Variants in FARP1 observed in about 807,000 individuals in gnomAD.
The protein encoded by FARP1 is FERM, ARHGEF and pleckstrin domain-containing protein 1.
FARP1 carries 52 observed loss-of-function variants against 128.8 expected under a neutral mutation model. The ratio of observed to expected loss-of-function variants is 0.40; its 90% confidence interval spans 0.32 to 0.51. The LOEUF (loss-of-function observed/expected upper bound fraction) is 0.51, where lower values mean the gene tolerates loss of function less well. Among genes scored for constraint, FARP1 ranks in the 20% least tolerant of loss-of-function variants. The pLI is 0.45. For missense variants in FARP1, 1,333 were observed against 1,367.9 expected (o/e 0.97, Z 0.40); for synonymous variants, 580 against 551.8 (o/e 1.05, Z -0.72).
At chr13:98,379,228 CTA>C (rs1889794796) in intron 6 of FARP1, among the ~76,000 whole-genome samples, 1 of 109,466 alleles carries the variant, frequency 9.1e-6, no homozygotes, top group Non-Finnish European at 1.7e-5. Context: ...TATAATCTAT[CTA>C]TATATAATCT....
intron 19 of FARP1, 148 bp downstream of exon 19, chr13:98,435,854 A>G (rs750728695): frequency 4.9e-6 from 4 of 817,098 alleles, no homozygotes; most frequent in Non-Finnish European, 8.6e-6. Context: ...AAAACACAAC[A>G]GTGTCGTTAG....
At chr13:98,439,644 C>A (rs571469047) in intron 21 of FARP1, among the ~76,000 whole-genome samples, 2 of 152,324 alleles carry the variant, frequency 1.3e-5, no homozygotes, top group South Asian at 4.1e-4. Context: ...TGCCTCCTGT[C>A]CCCCTTGGCA....
chr13:98,401,550 A>T (rs1014830761), intron 13 of FARP1: 3 of 151,898 alleles, frequency 2.0e-5, no homozygotes, highest in African/African-American at 7.3e-5. Context: ...TCCTAGAGTA[A>T]CCTAGAGAGA....
At chr13:98,169,949 C>T (rs1377464700) in intron 1 of FARP1, among the ~76,000 whole-genome samples, 2 of 152,086 alleles carry the variant, frequency 1.3e-5, no homozygotes, top group Non-Finnish European at 2.9e-5. Flanking sequence ...TCTCTACTTT[C>T]CTACCTTTAA....
intron 1 of FARP1, among the ~76,000 whole-genome samples, chr13:98,165,742 T>C (rs1877219259): frequency 1.8e-5 from 2 of 112,754 alleles, no homozygotes; most frequent in Non-Finnish European, 3.6e-5. Context: ...TTTTTTTTTT[T>C]TGTCTCACTC....
At position 98,450,057 on chromosome 13, in the gene FARP1, A is replaced by G. The variant is rs1893114069; in HGVS notation, c.*1740A>G. 6.6e-6 allele frequency: 1 copy of G among 151,944 alleles called. No homozygotes were observed. The highest frequency in any genetic ancestry group is 1.5e-5 in the Non-Finnish European group (1 of 68,008). 9.4% of individuals were successfully genotyped at this position (151,944 alleles called of 1,614,324 possible). ...TTTCTGAATGATTGATTGATTCCAA[A>G]CTACTTGCTGGACACTGGTGGTTCT... On this transcript the variant is annotated 3_prime_UTR_variant, in exon 27 of 27. Transcript: ENST00000319562.
chr13:98,365,501 A>G, intron 4 of FARP1, 64 bp downstream of exon 4: 1 of 1,218,746 alleles, frequency 8.2e-7, no homozygotes, highest in Admixed American at 1.8e-5. Context: ...TCATGTCTAG[A>G]CATCTCTTGC....
At position 98,448,272 on chromosome 13, in the gene FARP1, C is replaced by T; in HGVS notation, c.3093C>T (p.Ala1031=). 1 of 1,614,158 alleles carries T rather than the reference C, an allele frequency of 6.2e-7. No homozygotes were observed. The highest frequency in any genetic ancestry group is 8.5e-7 in the Non-Finnish European group (1 of 1,179,976). ...TGATCCGCAGTGCCACCAGCTCTGCCTCGCGACCCCACGTGTTGAGTCACA... is the reference window on the plus strand; with the variant it reads ...TGATCCGCAGTGCCACCAGCTCTGCTTCGCGACCCCACGTGTTGAGTCACA... The part of the protein sequence containing the change: ...MEVIRSATSS[A]SRPHVLSHKE... The change falls in exon 27 of 27, where the codon GCC becomes GCT. Residue 1031 remains alanine, a synonymous_variant. Coordinates refer to ENST00000319562, the MANE Select transcript of FARP1 (RefSeq NM_005766.4).
intron 13 of FARP1, chr13:98,397,902 A>AG (rs1890612371): frequency 1.1e-4 from 1 of 9,106 alleles, no homozygotes; most frequent in Non-Finnish European, 4.2e-4. Context: ...TTTTTTTTGA[A>AG]AAAAAAAAAA....
chr13:98,283,349 T>A (rs1885019508), intron 2 of FARP1, among the ~76,000 whole-genome samples: 1 of 152,176 alleles, frequency 6.6e-6, no homozygotes, highest in African/African-American at 2.4e-5. Context: ...GTCTTCAAAT[T>A]TTTTAGAACA....
intron 2 of FARP1, among the ~76,000 whole-genome samples, chr13:98,336,478 G>C (rs1420651643): frequency 1.3e-5 from 2 of 152,100 alleles, no homozygotes; most frequent in African/African-American, 2.4e-5. Context: ...TGCCGTGTTG[G>C]CCAGACTGGT....
At chr13:98,142,686 A>C (rs961865654), upstream of FARP1, 1 of 152,308 alleles carries the variant, frequency 6.6e-6, no homozygotes, top group Admixed American at 6.5e-5. Context: ...AGCCCCAGGC[A>C]GGACCTCAAA....
chr13:98,153,473 T>C (rs1876217867), intron 1 of FARP1, among the ~76,000 whole-genome samples: 1 of 130,042 alleles, frequency 7.7e-6, no homozygotes, highest in African/African-American at 2.7e-5. Context: ...TATATAAATA[T>C]GTATAATATA....
chr13:98,236,084 G>A (rs1193977771), intron 2 of FARP1, among the ~76,000 whole-genome samples: 2 of 152,040 alleles, frequency 1.3e-5, no homozygotes, highest in East Asian at 3.9e-4. Flanking sequence ...TCGGCCTTCC[G>A]AAACTCATAT....
chr13:98,214,671 A>G (rs567889748), intron 2 of FARP1, among the ~76,000 whole-genome samples: 1 of 152,362 alleles, frequency 6.6e-6, no homozygotes, highest in East Asian at 1.9e-4. Context: ...CAGAACAGCT[A>G]TGCTTAAAAC....
At chr13:98,284,245 A>G (rs555855663) in intron 2 of FARP1, among the ~76,000 whole-genome samples, 25 of 152,212 alleles carry the variant, frequency 1.6e-4, no homozygotes, top group African/African-American at 5.5e-4. Context: ...GCCCAAGGCA[A>G]TTCTTCCTCT....
At chr13:98,236,598 A>G (rs561731567) in intron 2 of FARP1, among the ~76,000 whole-genome samples, 2 of 152,152 alleles carry the variant, frequency 1.3e-5, no homozygotes, top group South Asian at 2.1e-4. Flanking sequence ...AAGAAATAAA[A>G]AAATTAAGAA....
intron 18 of FARP1, chr13:98,433,167 C>T (rs1257228392): frequency 6.6e-6 from 1 of 152,258 alleles, no homozygotes; most frequent in South Asian, 2.1e-4. Flanking sequence ...CTACATCCCA[C>T]TGCGCCCCAT....
chr13:98,316,216 C>A (rs901166528), intron 2 of FARP1, among the ~76,000 whole-genome samples: 2 of 152,132 alleles, frequency 1.3e-5, no homozygotes, highest in Non-Finnish European at 2.9e-5. Flanking sequence ...TTGGCTCGAA[C>A]CAGCTGTCCC....
Sources: allele counts gnomAD v4.1 joint callset (sites outside exome capture counted in the v4.1 genomes callset), GRCh38; gene constraint gnomAD v4.1.1; transcripts MANE v1.5; gene names NCBI Gene and HGNC (gene_info 2026-07-23, HGNC 2026-07-21).